Variants in ALMS1 observed in about 807,000 individuals in gnomAD.
ALMS1 encodes centrosome-associated protein ALMS1.
In ALMS1, 271 loss-of-function variants were observed where a neutral mutation model predicts 352.2. The ratio of observed to expected loss-of-function variants is 0.77; its 90% CI spans 0.70 to 0.85. The LOEUF (loss-of-function observed/expected upper bound fraction) is 0.85, where lower values mean the gene tolerates loss of function less well. ALMS1 is among the 40% of genes least tolerant of loss of function. ALMS1 has a pLI of 0.00. For synonymous variants in ALMS1, 1,865 were observed against 1,761.2 expected (o/e 1.06, Z -1.48); for missense variants, 5,445 against 4,870.7 (o/e 1.12, Z -3.51).
intron 16 of ALMS1, among the ~76,000 whole-genome samples, chr2:73,585,195 A>C (rs1675283156): frequency 6.6e-6 from 1 of 152,100 alleles, no homozygotes; most frequent in Non-Finnish European, 1.5e-5. Flanking sequence ...TCTTTAAGGG[A>C]TCTCCATACT....
chr2:73,470,390 G>C (rs1672443329), intron 9 of ALMS1: 1 of 151,538 alleles, frequency 6.6e-6, no homozygotes, highest in Non-Finnish European at 1.5e-5. Flanking sequence ...TTGTGTTTTT[G>C]TCTTTTTTAA....
intron 16 of ALMS1, among the ~76,000 whole-genome samples, chr2:73,591,407 A>G (rs1675430826): frequency 6.6e-6 from 1 of 152,214 alleles, no homozygotes; most frequent in Admixed American, 6.5e-5. Context: ...ATGTCAATAA[A>G]TTAATTTATT....
At position 73,453,236 on chromosome 2, in the gene ALMS1, G is replaced by GA. The variant is rs2103791192; in HGVS notation, c.6711dup (p.Ser2238IlefsTer5). On this transcript the variant is annotated frameshift_variant, in exon 8 of 23. Transcript: ENST00000613296. LOFTEE classifies it high-confidence loss of function. Reference sequence around the variant, plus strand: ...TGACAGAGTTGTAATAAATAAACCAGAATCTGCAGGTTTTAGAGATGTTGG... The same window carrying GA: ...TGACAGAGTTGTAATAAATAAACCAGAAATCTGCAGGTTTTAGAGATGTTGG... 6.2e-7 allele frequency: 1 copy of GA among 1,613,978 alleles called. No individual in the cohort carries two copies. The highest frequency in any genetic ancestry group is 8.5e-7 in the Non-Finnish European group (1 of 1,179,966).
chr2:73,486,267 G>T (rs1351493425), intron 9 of ALMS1, among the ~76,000 whole-genome samples: 2 of 152,066 alleles, frequency 1.3e-5, no homozygotes. Context: ...GGAGAGAGAG[G>T]GGCATTTTGT....
At chr2:73,406,289 T>TA (rs773146395) in intron 1 of ALMS1, among the ~76,000 whole-genome samples, 4 of 152,202 alleles carry the variant, frequency 2.6e-5, no homozygotes, top group Admixed American at 6.5e-5. Flanking sequence ...TTTTCTCTGA[T>TA]ATTAGTGTTG....
chr2:73,508,511 GT>G (rs1448576231), intron 10 of ALMS1, among the ~76,000 whole-genome samples: 3 of 152,086 alleles, frequency 2.0e-5, no homozygotes, highest in Non-Finnish European at 4.4e-5. Flanking sequence ...GGCTGAGTGA[GT>G]TTCTTAATCC....
intron 9 of ALMS1, among the ~76,000 whole-genome samples, chr2:73,472,452 A>G (rs1441422788): frequency 6.6e-6 from 1 of 152,098 alleles, no homozygotes; most frequent in East Asian, 1.9e-4. Flanking sequence ...CAGCATAATC[A>G]AAGTCAAATA....
At chr2:73,439,677 A>T (rs1671677472) in intron 7 of ALMS1, among the ~76,000 whole-genome samples, 1 of 151,934 alleles carries the variant, frequency 6.6e-6, no homozygotes, top group African/African-American at 2.4e-5. Context: ...AGTAGCTGGG[A>T]CTATAGGTGC....
chr2:73,454,443 T>G, intron 8 of ALMS1: 1 of 906,502 alleles, frequency 1.1e-6, no homozygotes, highest in African/African-American at 1.8e-5. Flanking sequence ...ATAGTATCCT[T>G]ATTCTGAAGG....
intron 9 of ALMS1, among the ~76,000 whole-genome samples, chr2:73,487,806 T>C (rs780390): frequency 0.88 from 133,097 of 152,106 alleles, 58,332 homozygotes; most frequent in Admixed American, 0.92. Context: ...GTCATCCTGA[T>C]GACTGTCCAT....
chr2:73,568,846 T>C (rs1024298909), intron 15 of ALMS1, among the ~76,000 whole-genome samples: 1 of 152,102 alleles, frequency 6.6e-6, no homozygotes, highest in African/African-American at 2.4e-5. Context: ...GTAAAATTAA[T>C]TCCATTATCA....
chr2:73,579,106 C>T (rs1242607847), intron 16 of ALMS1, among the ~76,000 whole-genome samples: 1 of 130,470 alleles, frequency 7.7e-6, no homozygotes, highest in Admixed American at 8.5e-5. Flanking sequence ...TCGTCCTGGG[C>T]TGTAGTGCAA....
intron 12 of ALMS1, among the ~76,000 whole-genome samples, chr2:73,535,342 T>G (rs1037582823): frequency 1.8e-4 from 27 of 152,222 alleles, no homozygotes; most frequent in Admixed American, 5.2e-4. Context: ...CTCTGACAAC[T>G]AATTTAACAA....
chr2:73,419,437 G>A (rs1216728746), intron 3 of ALMS1, 119 bp downstream of exon 3: 2 of 893,660 alleles, frequency 2.2e-6, no homozygotes, highest in Non-Finnish European at 3.6e-6. Context: ...CCTACTCAGA[G>A]GGATTAGCTT....
At chr2:73,588,973 A>G (rs929546277) in intron 16 of ALMS1, among the ~76,000 whole-genome samples, 2 of 152,178 alleles carry the variant, frequency 1.3e-5, no homozygotes, top group East Asian at 1.9e-4. Flanking sequence ...ATATAAAACT[A>G]TGTATACATA....
intron 16 of ALMS1, among the ~76,000 whole-genome samples, chr2:73,578,272 G>T (rs1675095722): frequency 6.6e-6 from 1 of 151,912 alleles, no homozygotes; most frequent in Non-Finnish European, 1.5e-5. Context: ...TTGTGTCTTT[G>T]GATGTAAAGT....
At chr2:73,605,490 G>A (rs1334124007) in intron 21 of ALMS1, among the ~76,000 whole-genome samples, 1 of 152,212 alleles carries the variant, frequency 6.6e-6, no homozygotes, top group African/African-American at 2.4e-5. Context: ...GGATTTTTAT[G>A]TAACAGAATA....
chr2:73,537,702 G>A (rs79760953), intron 12 of ALMS1, among the ~76,000 whole-genome samples: 2,480 of 152,200 alleles, frequency 0.016, 68 homozygotes, highest in African/African-American at 0.056. Flanking sequence ...CAGAGTTGGC[G>A]CATTGTATTA....
At chr2:73,598,305 T>C (rs1025765716) in intron 16 of ALMS1, among the ~76,000 whole-genome samples, 1 of 152,232 alleles carries the variant, frequency 6.6e-6, no homozygotes, top group Non-Finnish European at 1.5e-5. Flanking sequence ...TGGCAGGGCA[T>C]GCTCTGCCTG....
Sources: gnomAD v4.1 joint callset for allele counts (sites outside exome capture counted in the v4.1 genomes callset) on GRCh38, gnomAD v4.1.1 for gene constraint, MANE v1.5 for transcripts, NCBI Gene and HGNC (gene_info 2026-07-23, HGNC 2026-07-21) for gene names.